The following PTPRD variants were observed in gnomAD, a reference collection of about 807,000 sequenced individuals.
PTPRD encodes receptor-type tyrosine-protein phosphatase delta.
PTPRD carries 34 observed loss-of-function variants against 214.5 expected under a neutral mutation model. The observed-to-expected ratio is 0.16, with a 90% confidence interval of 0.12 to 0.21. PTPRD has a LOEUF of 0.21. Among genes scored for constraint, PTPRD ranks in the 10% least tolerant of loss-of-function variants. PTPRD has a pLI of 1.00. For missense variants in PTPRD, 2,545 were observed against 2,398.7 expected (o/e 1.06, Z -1.27); for synonymous variants, 1,128 against 845.7 (o/e 1.33, Z -5.79).
chr9:9,777,251 A>C (rs1013700454), intron 5 of PTPRD, among the ~76,000 whole-genome samples: 1 of 152,112 alleles, frequency 6.6e-6, no homozygotes, highest in Non-Finnish European at 1.5e-5. Context: ...TTGGAGGAGA[A>C]AAATCTTTCA....
intron 3 of PTPRD, among the ~76,000 whole-genome samples, chr9:10,249,950 C>T (rs1470934947): frequency 6.6e-6 from 1 of 152,122 alleles, no homozygotes; most frequent in African/African-American, 2.4e-5. Context: ...CACATGCATA[C>T]ATCTGCCAAT....
chr9:8,392,035 G>A (rs2089759647), intron 36 of PTPRD, among the ~76,000 whole-genome samples: 1 of 152,066 alleles, frequency 6.6e-6, no homozygotes, highest in Admixed American at 6.6e-5. Flanking sequence ...ATACAAAAAT[G>A]TTGCCTGAAG....
chr9:9,466,245 G>C (rs2094145403), intron 8 of PTPRD, among the ~76,000 whole-genome samples: 1 of 152,132 alleles, frequency 6.6e-6, no homozygotes, highest in Non-Finnish European at 1.5e-5. Flanking sequence ...GGAGGTTGAG[G>C]CTGCAGTGAG....
chr9:8,659,415 G>C (rs2096984400), intron 12 of PTPRD, among the ~76,000 whole-genome samples: 1 of 152,160 alleles, frequency 6.6e-6, no homozygotes, highest in African/African-American at 2.4e-5. Context: ...GAGTCCTCCA[G>C]ATTCCAACCT....
intron 39 of PTPRD, among the ~76,000 whole-genome samples, chr9:8,363,966 G>T (rs1203896095): frequency 6.6e-6 from 1 of 152,204 alleles, no homozygotes; most frequent in Non-Finnish European, 1.5e-5. Context: ...ACTTATGTTA[G>T]AAACACAAAT....
At chr9:10,177,567 T>C (rs1213977226) in intron 3 of PTPRD, among the ~76,000 whole-genome samples, 1 of 151,570 alleles carries the variant, frequency 6.6e-6, no homozygotes, top group Non-Finnish European at 1.5e-5. Flanking sequence ...GAAAAACAGA[T>C]GAATTAGGAG....
intron 5 of PTPRD, among the ~76,000 whole-genome samples, chr9:9,921,726 A>G (rs964675920): frequency 1.3e-5 from 2 of 151,134 alleles, no homozygotes; most frequent in Admixed American, 6.6e-5. Context: ...TGGGAAAATA[A>G]TTTTTAAAAA....
intron 34 of PTPRD, among the ~76,000 whole-genome samples, chr9:8,449,255 C>CA: frequency 6.6e-6 from 1 of 152,134 alleles, no homozygotes; most frequent in African/African-American, 2.4e-5. Context: ...TCCTCCCTCC[C>CA]TCCCTCCCTT....
chr9:8,904,540 C>T (rs1032247367), intron 11 of PTPRD, among the ~76,000 whole-genome samples: 12 of 151,820 alleles, frequency 7.9e-5, no homozygotes, highest in African/African-American at 1.5e-4. Flanking sequence ...GCTATGGTGG[C>T]GCATGCCTGT....
intron 27 of PTPRD, among the ~76,000 whole-genome samples, chr9:8,492,219 G>T (rs2097164756): frequency 6.6e-6 from 1 of 152,142 alleles, no homozygotes; most frequent in African/African-American, 2.4e-5. Flanking sequence ...ACAAAAGGTA[G>T]AACTGTAAGT....
chr9:10,243,297 G>A (rs528974700), intron 3 of PTPRD, among the ~76,000 whole-genome samples: 1 of 151,982 alleles, frequency 6.6e-6, no homozygotes, highest in Non-Finnish European at 1.5e-5. Flanking sequence ...CACAGCTAAA[G>A]TGGCTATTGC....
chr9:9,749,776 A>C (rs2098498038), intron 6 of PTPRD, among the ~76,000 whole-genome samples: 1 of 152,204 alleles, frequency 6.6e-6, no homozygotes, highest in South Asian at 2.1e-4. Flanking sequence ...TTAGGAGTAT[A>C]GTTATTAGAA....
At chr9:9,777,215 A>C (rs2098805246) in intron 5 of PTPRD, among the ~76,000 whole-genome samples, 1 of 152,120 alleles carries the variant, frequency 6.6e-6, no homozygotes, top group African/African-American at 2.4e-5. Context: ...CATTTTTAAA[A>C]ACATTCTAAG....
intron 14 of PTPRD, among the ~76,000 whole-genome samples, chr9:8,533,719 CA>C (rs1301116327): frequency 6.6e-6 from 1 of 152,000 alleles, no homozygotes; most frequent in Non-Finnish European, 1.5e-5. Flanking sequence ...TGAACTCTTA[CA>C]AGCTCACAGG....
intron 2 of PTPRD, among the ~76,000 whole-genome samples, chr9:10,567,978 TA>T (rs1366646555): frequency 6.6e-6 from 1 of 151,900 alleles, no homozygotes; most frequent in Non-Finnish European, 1.5e-5. Context: ...ATTTTATTAT[TA>T]TTATCCTTTA....
intron 5 of PTPRD, among the ~76,000 whole-genome samples, chr9:9,873,136 A>T (rs905015899): frequency 2.6e-5 from 4 of 152,162 alleles, no homozygotes; most frequent in Non-Finnish European, 5.9e-5. Context: ...TACCATAGTG[A>T]AGGAAGATCC....
intron 9 of PTPRD, among the ~76,000 whole-genome samples, chr9:9,206,156 C>A (rs1269602037): frequency 3.9e-5 from 6 of 152,074 alleles, no homozygotes; most frequent in Non-Finnish European, 7.3e-5. Context: ...GGAGTTTGCT[C>A]AAAGAACAAG....
chr9:9,752,432 G>A (rs556685650), intron 6 of PTPRD, among the ~76,000 whole-genome samples: 1 of 152,048 alleles, frequency 6.6e-6, no homozygotes, highest in South Asian at 2.1e-4. Context: ...ATGAACTCAA[G>A]GTTTATTATA....
chr9:10,226,320 C>A (rs1031358523), intron 3 of PTPRD, among the ~76,000 whole-genome samples: 1 of 152,064 alleles, frequency 6.6e-6, no homozygotes, highest in South Asian at 2.1e-4. Context: ...CATGTCCATG[C>A]CTCCTTGCCC....
Sources: gnomAD v4.1 joint callset for allele counts (sites outside exome capture counted in the v4.1 genomes callset) on GRCh38, gnomAD v4.1.1 for gene constraint, MANE v1.5 for transcripts, NCBI Gene and HGNC (gene_info 2026-07-23, HGNC 2026-07-21) for gene names.